KMT2C: variants seen among roughly 807,000 people sequenced by gnomAD.
KMT2C encodes lysine methyltransferase 2C.
Under a neutral mutation model 507.9 loss-of-function variants are expected in KMT2C, and 88 were observed. That is an observed-to-expected ratio of 0.17 (90% CI 0.15 to 0.21). KMT2C has a LOEUF of 0.21. Among genes scored for constraint, KMT2C ranks in the 10% least tolerant of loss-of-function variants. The pLI is 1.00. For synonymous variants in KMT2C, 2,049 were observed against 2,080.8 expected, an observed-to-expected ratio of 0.98 and a Z score of 0.42; for missense variants, 4,954 against 5,957.8, an observed-to-expected ratio of 0.83 and a Z score of 5.55.
At chr7:152,371,132 A>T (rs188614269) in intron 1 of KMT2C, among the ~76,000 whole-genome samples, 2 of 152,352 alleles carry the variant, frequency 1.3e-5, no homozygotes, top group Admixed American at 6.5e-5. Flanking sequence ...GTGGTACCTA[A>T]ATCAGATTTA....
At chr7:152,192,605 A>G (rs1332006246) in intron 31 of KMT2C, among the ~76,000 whole-genome samples, 1 of 152,164 alleles carries the variant, frequency 6.6e-6, no homozygotes, top group Non-Finnish European at 1.5e-5. Flanking sequence ...TATGATAAGT[A>G]TATTACCCAA....
chr7:152,357,149 C>T (rs1026332998), intron 2 of KMT2C, among the ~76,000 whole-genome samples: 3 of 151,472 alleles, frequency 2.0e-5, no homozygotes, highest in Non-Finnish European at 4.4e-5. Context: ...ACTGCATGAG[C>T]CCGGCGGGTG....
At chr7:152,412,255 G>C (rs997108626) in intron 1 of KMT2C, among the ~76,000 whole-genome samples, 8 of 152,212 alleles carry the variant, frequency 5.3e-5, no homozygotes, top group Non-Finnish European at 8.8e-5. Flanking sequence ...CCAAAAATTA[G>C]CCGGGCATCG....
At chr7:152,320,735 T>A (rs947397868) in intron 3 of KMT2C, among the ~76,000 whole-genome samples, 6 of 152,026 alleles carry the variant, frequency 3.9e-5, no homozygotes, top group African/African-American at 1.4e-4. Flanking sequence ...TACCTGAGCA[T>A]AATAAATTAG....
intron 33 of KMT2C, among the ~76,000 whole-genome samples, 173 bp from the exon 34 acceptor site, chr7:152,185,804 CCAAA>C (rs1424038084): frequency 2.6e-5 from 4 of 152,138 alleles, no homozygotes; most frequent in Non-Finnish European, 2.9e-5. Context: ...ACACTGTAGG[CCAAA>C]CAAACGTTTT....
rs561716887 is a variant in KMT2C, at chr7:152,428,272, C to T, written c.161+7354G>A. Among the ~76,000 whole-genome samples the T allele has an allele frequency of 8.6e-4, 130 of 152,038 alleles. 1 individual carries two copies. The highest frequency in any genetic ancestry group is 2.4e-4 in the Non-Finnish European group (16 of 67,980). On this transcript the variant is annotated intron_variant, in intron 1 of 58. Coordinates refer to ENST00000262189, the MANE Select transcript of KMT2C (RefSeq NM_170606.3). ...GCCTACAAAGTATAGGCGCAAATAC[C>T]GTTTTAGATTCTAATTAATGAAAAA... is the stretch of plus-strand genomic sequence containing the variant.
chr7:152,243,337 G>A (rs1296434797), intron 14 of KMT2C, among the ~76,000 whole-genome samples: 2 of 152,006 alleles, frequency 1.3e-5, no homozygotes, highest in Non-Finnish European at 2.9e-5. Flanking sequence ...GTTCCAAAGG[G>A]GTAGGTATTT....
chr7:152,369,073 A>G (rs983054565), intron 1 of KMT2C, among the ~76,000 whole-genome samples: 1 of 152,094 alleles, frequency 6.6e-6, no homozygotes, highest in Non-Finnish European at 1.5e-5. Context: ...CTGTAATCCC[A>G]GCACTTTGGA....
chr7:152,392,898 A>C (rs2097510814), intron 1 of KMT2C, among the ~76,000 whole-genome samples: 1 of 152,160 alleles, frequency 6.6e-6, no homozygotes, highest in Admixed American at 6.6e-5. Flanking sequence ...TTTTTGAAGG[A>C]AGAAAGGGCA....
Position 152,349,512 on chromosome 7 carries a change from A to G in KMT2C, c.250+9075T>C, listed in dbSNP as rs553917216. ...GGAGGAAACATAAATGCATATTATTAAGTGAAAGAAGCCAGTCTGAAAAGA... is the reference window on the plus strand; with the variant it reads ...GGAGGAAACATAAATGCATATTATTGAGTGAAAGAAGCCAGTCTGAAAAGA... On this transcript the variant is annotated intron_variant, in intron 2 of 58. Transcript: ENST00000262189. 2.6e-5 allele frequency among the ~76,000 whole-genome samples: 4 copies of G among 152,290 alleles called. No individual in the cohort carries two copies. The East Asian group carries it at 7.7e-4, about 29-fold the overall frequency.
intron 1 of KMT2C, among the ~76,000 whole-genome samples, chr7:152,369,850 C>T (rs1020044575): frequency 1.3e-5 from 2 of 151,734 alleles, no homozygotes; most frequent in African/African-American, 4.9e-5. Context: ...GGGTATTTTG[C>T]TATAGCAATA....
rs1400748125 is a variant in KMT2C at position 152,378,857 on chromosome 7, G to C, written c.162-20182C>G. On this transcript the variant is annotated intron_variant, in intron 1 of 58. Transcript: ENST00000262189. ...AGAAGTTCTCAGTTTTGGGGGTGCT[G>C]TATCTTAATTTTTCTGTACTCTATT... 5.3e-5 allele frequency among the ~76,000 whole-genome samples: 8 copies of C among 152,164 alleles called. No individual in the cohort carries two copies. The East Asian group carries it at 1.3e-3, about 26-fold the overall frequency.
intron 6 of KMT2C, among the ~76,000 whole-genome samples, chr7:152,308,673 CAAAAAAAA>C (rs938826373): frequency 3.3e-4 from 8 of 24,558 alleles, no homozygotes; most frequent in East Asian, 1.5e-3. Flanking sequence ...AAACTCCTCT[CAAAAAAAA>C]AAAAAAAAAA....
intron 1 of KMT2C, among the ~76,000 whole-genome samples, chr7:152,374,304 A>AGCT (rs773120380): frequency 2.8e-4 from 43 of 151,158 alleles, no homozygotes; most frequent in Middle Eastern, 3.4e-3. Flanking sequence ...CAAGAGAGCA[A>AGCT]GACTCTGTCT....
intron 14 of KMT2C, among the ~76,000 whole-genome samples, chr7:152,240,972 A>C (rs896834075): frequency 7.2e-5 from 11 of 152,144 alleles, no homozygotes; most frequent in African/African-American, 2.4e-4. Context: ...GCAAGTCACT[A>C]TTCTATTTCA....
At chr7:152,261,508 T>C (rs1478492747) in intron 9 of KMT2C, among the ~76,000 whole-genome samples, 2 of 152,164 alleles carry the variant, frequency 1.3e-5, no homozygotes, top group Admixed American at 6.5e-5. Context: ...TCAACACATT[T>C]ATTTTAAAAA....
chr7:152,402,121 AC>A (rs2097578693), intron 1 of KMT2C, among the ~76,000 whole-genome samples: 3 of 64,262 alleles, frequency 4.7e-5, no homozygotes, highest in African/African-American at 1.5e-4. Context: ...AAAAAAACAA[AC>A]AAACAAACAA....
At chr7:152,420,641 T>C (rs2097771592) in intron 1 of KMT2C, among the ~76,000 whole-genome samples, 1 of 151,916 alleles carries the variant, frequency 6.6e-6, no homozygotes, top group South Asian at 2.1e-4. Flanking sequence ...TCGAGACCAT[T>C]CTGGCCAACA....
intron 2 of KMT2C, 137 bp downstream of exon 2, chr7:152,358,450 A>C: frequency 1.9e-6 from 1 of 522,652 alleles, no homozygotes; most frequent in South Asian, 4.5e-5. Context: ...TTATCAAAAC[A>C]AGGCAGATGG....
Sources: allele counts gnomAD v4.1 joint callset (sites outside exome capture counted in the v4.1 genomes callset), GRCh38; gene constraint gnomAD v4.1.1; transcripts MANE v1.5; gene names NCBI Gene and HGNC (gene_info 2026-07-23, HGNC 2026-07-21).